Variants in NAP1L1 observed in about 807,000 individuals in gnomAD.
NAP1L1 encodes the protein nucleosome assembly protein 1-like 1.
NAP1L1 carries 9 observed loss-of-function variants against 58.9 expected under a neutral mutation model. The ratio of observed to expected loss-of-function variants is 0.15; its 90% confidence interval spans 0.09 to 0.27. NAP1L1 has a LOEUF of 0.27. Among genes scored for constraint, NAP1L1 ranks in the 10% least tolerant of loss-of-function variants. The probability of loss-of-function intolerance (pLI) is 1.00; values close to 1 mark genes in which losing one functional copy is unlikely to be tolerated. For synonymous variants in NAP1L1, 130 were observed against 138.3 expected (o/e 0.94, Z 0.42); for missense variants, 302 against 458.8 (o/e 0.66, Z 3.12).
At chr12:76,056,699 G>T (rs77739146) in intron 6 of NAP1L1, 4 of 418,160 alleles carry the variant, frequency 9.6e-6, no homozygotes, top group East Asian at 1.6e-4. Flanking sequence ...AAAAAAAAAA[G>T]AATATAATGA....
chr12:76,065,513 AC>A (rs2137040831), intron 4 of NAP1L1, among the ~76,000 whole-genome samples: 1 of 129,966 alleles, frequency 7.7e-6, no homozygotes, highest in South Asian at 2.8e-4. Context: ...TAGCAAAGTT[AC>A]TGGATACAAG....
At chr12:76,058,194 C>CATATATATATATATATAT (rs3082540) in intron 6 of NAP1L1, 9 of 350,018 alleles carry the variant, frequency 2.6e-5, no homozygotes, top group African/African-American at 2.4e-4. Context: ...GAGAGGCCTA[C>CATATATATATATATATAT]ATATATATAT....
chr12:76,065,822 CAAAA>C (rs1185087041), intron 4 of NAP1L1, among the ~76,000 whole-genome samples: 2 of 151,618 alleles, frequency 1.3e-5, no homozygotes, highest in African/African-American at 4.8e-5. Flanking sequence ...ACTTAACTGT[CAAAA>C]ATGTGGATGA....
intron 6 of NAP1L1, among the ~76,000 whole-genome samples, chr12:76,058,819 T>A (rs1278444982): frequency 2.0e-5 from 3 of 152,254 alleles, no homozygotes; most frequent in East Asian, 3.8e-4. Context: ...ACCAATAATA[T>A]GTCTCCTTGC....
intron 8 of NAP1L1, among the ~76,000 whole-genome samples, chr12:76,054,574 T>C (rs1178741133): frequency 2.6e-5 from 4 of 152,178 alleles, no homozygotes; most frequent in Non-Finnish European, 5.9e-5. Flanking sequence ...AGACTAAACG[T>C]GAACTTGACA....
intron 1 of NAP1L1, among the ~76,000 whole-genome samples, chr12:76,080,754 C>T (rs921843741): frequency 2.6e-5 from 4 of 152,074 alleles, no homozygotes; most frequent in African/African-American, 4.8e-5. Flanking sequence ...AGTATTTGTC[C>T]CCTCTAAAAC....
chr12:76,083,902 A>C (rs1950505289), intron 1 of NAP1L1: 1 of 152,254 alleles, frequency 6.6e-6, no homozygotes, highest in Non-Finnish European at 1.5e-5. Flanking sequence ...AGGGTCTCCA[A>C]CCAGGCCCAG....
In NAP1L1 at chr12:76,072,206, A is replaced by G. The variant is rs141829683; in HGVS notation, c.17+1997T>C. Among the ~76,000 whole-genome samples, 1,410 of 150,778 alleles carry G rather than the reference A, an allele frequency of 9.4e-3. 22 individuals are homozygous for G. Among genetic ancestry groups the G allele is most frequent in the African/African-American group, 0.032 (1,309 of 40,904 alleles). The stretch of plus-strand genomic sequence containing the variant: ...CTAGATTGAGACCAAAACAAATGAG[A>G]GAAAGAAAATGTAAGAGCAAATGGA... On this transcript the variant is annotated intron_variant, in intron 2 of 14. Coordinates refer to ENST00000618691, the MANE Select transcript of NAP1L1 (RefSeq NM_004537.7).
chr12:76,067,192 A>G (rs1949718325), intron 4 of NAP1L1, among the ~76,000 whole-genome samples, 179 bp downstream of exon 4: 1 of 152,130 alleles, frequency 6.6e-6, no homozygotes. Context: ...TAAACTTTAA[A>G]AGACCAATGC....
intron 11 of NAP1L1, among the ~76,000 whole-genome samples, chr12:76,050,898 A>C (rs1273632994): frequency 6.6e-6 from 1 of 150,442 alleles, no homozygotes; most frequent in Non-Finnish European, 1.5e-5. Context: ...ACACGCCTGT[A>C]GTCTCAGCTA....
At chr12:76,063,111 T>C (rs1375871735) in intron 4 of NAP1L1, among the ~76,000 whole-genome samples, 1 of 152,230 alleles carries the variant, frequency 6.6e-6, no homozygotes, top group Non-Finnish European at 1.5e-5. Context: ...ATACTCACTA[T>C]ATATTACTAA....
chr12:76,055,744 T>A (rs1049462751), intron 7 of NAP1L1, among the ~76,000 whole-genome samples: 7 of 152,220 alleles, frequency 4.6e-5, no homozygotes, highest in African/African-American at 1.7e-4. Context: ...TTTCCCATCA[T>A]ACTTCCATAC....
chr12:76,067,186 C>T (rs1383315446), intron 4 of NAP1L1, among the ~76,000 whole-genome samples, 185 bp downstream of exon 4: 5 of 152,026 alleles, frequency 3.3e-5, no homozygotes, highest in African/African-American at 9.7e-5. Context: ...AATAAATAAA[C>T]TTTAAAAGAC....
chr12:76,065,501 T>C (rs1949619040), intron 4 of NAP1L1, among the ~76,000 whole-genome samples: 1 of 146,224 alleles, frequency 6.8e-6, no homozygotes, highest in African/African-American at 2.5e-5. Flanking sequence ...CTACAATAAA[T>C]TTAGCAAAGT....
At chr12:76,062,160 T>C (rs1040673118) in intron 4 of NAP1L1, among the ~76,000 whole-genome samples, 7 of 152,188 alleles carry the variant, frequency 4.6e-5, no homozygotes, top group African/African-American at 9.7e-5. Flanking sequence ...AATGCGAGGG[T>C]TGATGAAAGC....
chr12:76,077,677 G>C (rs1017612510), intron 1 of NAP1L1, among the ~76,000 whole-genome samples: 15 of 152,060 alleles, frequency 9.9e-5, no homozygotes, highest in African/African-American at 3.6e-4. Flanking sequence ...AGATTATGCA[G>C]ATCAATTCTA....
intron 6 of NAP1L1, 55 bp downstream of exon 6, chr12:76,059,743 C>T (rs1949313233): frequency 8.2e-7 from 1 of 1,225,506 alleles, no homozygotes; most frequent in African/African-American, 1.5e-5. Flanking sequence ...ACATTTCTGA[C>T]AAGTCCTAAG....
intron 1 of NAP1L1, 37 bp downstream of exon 1, chr12:76,084,530 C>G (rs1950540455): frequency 6.6e-6 from 1 of 152,442 alleles, no homozygotes; most frequent in African/African-American, 2.4e-5. Context: ...CAGCCAACAC[C>G]ACGTTCCCCC....
In NAP1L1 at chr12:76,042,816, G is replaced by A. The variant is rs1445709157; in HGVS notation, c.*5613C>T. On this transcript the variant is annotated 3_prime_UTR_variant, in exon 15 of 15. Transcript: ENST00000618691. ...AGAAGCCAGCAATCCTTGGAGAAAT[G>A]GCCCATTCCAGGGCTGAAATAGAAA... 1 of 152,112 alleles carries A rather than the reference G, an allele frequency of 6.6e-6. No individual in the cohort carries two copies. The highest frequency in any genetic ancestry group is 1.9e-4 in the East Asian group (1 of 5,186). The allele number at this position is 152,112 out of a possible 1,614,324, so 9.4% of individuals were successfully genotyped here.
Sources: allele counts gnomAD v4.1 joint callset (sites outside exome capture counted in the v4.1 genomes callset), GRCh38; gene constraint gnomAD v4.1.1; transcripts MANE v1.5; gene names NCBI Gene and HGNC (gene_info 2026-07-23, HGNC 2026-07-21).